Variants in CACNA1E observed in about 807,000 individuals in gnomAD.
The protein encoded by CACNA1E is voltage-dependent R-type calcium channel subunit alpha-1E.
A neutral mutation model predicts 259.2 loss-of-function variants in CACNA1E; 40 were observed. The observed-to-expected ratio is 0.15, with a 90% confidence interval of 0.12 to 0.20. CACNA1E has a LOEUF of 0.20. Among genes scored for constraint, CACNA1E ranks in the 10% least tolerant of loss-of-function variants. The pLI, the probability that CACNA1E is intolerant of heterozygous loss-of-function variation, is 1.00. For missense variants in CACNA1E, 1,874 were observed against 3,040.1 expected, an observed-to-expected ratio of 0.62 and a Z score of 9.02; for synonymous variants, 1,104 against 1,138.5, an observed-to-expected ratio of 0.97 and a Z score of 0.61.
At chr1:181,429,473 G>A (rs80129781) in intron 2 of CACNA1E, among the ~76,000 whole-genome samples, 2,613 of 152,280 alleles carry the variant, frequency 0.017, 80 homozygotes, top group African/African-American at 0.06. Context: ...GCATCTATGC[G>A]TAGCTCTGCT....
chr1:181,728,776 C>T (rs1655166480), intron 18 of CACNA1E, among the ~76,000 whole-genome samples: 1 of 151,240 alleles, frequency 6.6e-6, no homozygotes, highest in Non-Finnish European at 1.5e-5. Context: ...GTGTGCCCTG[C>T]TCAGCTATGT....
intron 1 of CACNA1E, among the ~76,000 whole-genome samples, chr1:181,486,163 C>G (rs1294725077): frequency 6.6e-6 from 1 of 152,308 alleles, no homozygotes; most frequent in East Asian, 1.9e-4. Context: ...TGTCTTTGGC[C>G]AAAAATGGAC....
intron 3 of CACNA1E, among the ~76,000 whole-genome samples, chr1:181,552,246 C>T (rs929372013): frequency 1.2e-4 from 19 of 152,180 alleles, no homozygotes; most frequent in African/African-American, 3.6e-4. Context: ...TTGGCTGATA[C>T]AAAGGCTGTG....
In CACNA1E at chr1:181,483,850, G is replaced by A; in HGVS notation, c.106G>A (p.Ala36Thr). The A allele has an allele frequency of 6.2e-7, 1 of 1,613,746 alleles. No individual in the cohort carries two copies. Reference protein sequence around the residue: ...QGTPVPASGQAAAYKQTKAQR... With the variant: ...QGTPVPASGQTAAYKQTKAQR... ...AACCCCCGTGCCGGCCTCGGGGCAGGCGGCCGCCTACAAGCAGACGAAAGC... is the reference window on the plus strand; with the variant it reads ...AACCCCCGTGCCGGCCTCGGGGCAGACGGCCGCCTACAAGCAGACGAAAGC... The change falls in exon 1 of 48, where the codon GCG becomes ACG. Residue 36 changes from alanine (A) to threonine (T), a missense_variant. Physicochemically the swap from Ala to Thr is moderately conservative, Grantham distance 58 (BLOSUM62 0). Around this residue, in one of 14 missense-constraint regions of CACNA1E, gnomAD observed 110 missense variants for 122.8 expected, o/e 0.90. Transcript: ENST00000367573.
intron 7 of CACNA1E, among the ~76,000 whole-genome samples, chr1:181,675,361 G>A (rs148436169): frequency 1.4e-3 from 219 of 152,290 alleles, no homozygotes; most frequent in African/African-American, 5.0e-3. Context: ...GTAATTTCAC[G>A]TACCCAGTAG....
rs80263493 is a variant in CACNA1E at position 181,743,093 on chromosome 1, C to T, written c.3719+3840C>T. On this transcript the variant is annotated intron_variant, in intron 25 of 47. Coordinates refer to ENST00000367573, the MANE Select transcript of CACNA1E (RefSeq NM_001205293.3). ...CTCAGGTCTCCTTCCTTAAGCCCACCGTCCCTGCAGGGAGGTGGGCAGAGT... is the reference window on the plus strand; with the variant it reads ...CTCAGGTCTCCTTCCTTAAGCCCACTGTCCCTGCAGGGAGGTGGGCAGAGT... Among the ~76,000 whole-genome samples the T allele has an allele frequency of 1.3e-3, 197 of 152,302 alleles. 1 individual carries two copies. Among genetic ancestry groups the T allele is most frequent in the African/African-American group, 4.2e-3 (174 of 41,544 alleles).
chr1:181,475,749 G>C (rs1474606545), intron 2 of CACNA1E, among the ~76,000 whole-genome samples: 1 of 152,136 alleles, frequency 6.6e-6, no homozygotes, highest in African/African-American at 2.4e-5. Flanking sequence ...TTTTGGGAGG[G>C]GGAGCTTGCT....
At chr1:181,781,329 A>T in intron 38 of CACNA1E, 98 bp from the exon 39 acceptor site, 1 of 688,676 alleles carries the variant, frequency 1.5e-6, no homozygotes, top group East Asian at 2.7e-5. Context: ...CTCCTCTCCT[A>T]TCTGTCTGCA....
At chr1:181,557,242 T>A (rs1010780898) in intron 3 of CACNA1E, among the ~76,000 whole-genome samples, 1 of 152,184 alleles carries the variant, frequency 6.6e-6, no homozygotes, top group Non-Finnish European at 1.5e-5. Flanking sequence ...ACGATGAGAT[T>A]GCTTGGAAGG....
At chr1:181,751,111 A>G (rs1657558573) in intron 26 of CACNA1E, among the ~76,000 whole-genome samples, 1 of 152,206 alleles carries the variant, frequency 6.6e-6, no homozygotes, top group South Asian at 2.1e-4. Context: ...GTCAACATGA[A>G]GAAAGAGACA....
intron 1 of CACNA1E, among the ~76,000 whole-genome samples, chr1:181,392,613 C>T (rs1571750439): frequency 6.6e-6 from 1 of 152,226 alleles, no homozygotes; most frequent in East Asian, 1.9e-4. Flanking sequence ...TGTATTCAGT[C>T]CTAAAGATCA....
At chr1:181,716,801 A>T (rs1653938513) in intron 10 of CACNA1E, among the ~76,000 whole-genome samples, 2 of 152,240 alleles carry the variant, frequency 1.3e-5, no homozygotes, top group Non-Finnish European at 2.9e-5. Context: ...AGGAAAGGGC[A>T]GAAAGAAGCC....
At chr1:181,752,369 T>C (rs2102665843) in intron 27 of CACNA1E, 130 bp downstream of exon 27, 1 of 684,218 alleles carries the variant, frequency 1.5e-6, no homozygotes, top group East Asian at 2.7e-5. Flanking sequence ...CGAAGTTCTT[T>C]TCATCTGCCT....
intron 3 of CACNA1E, among the ~76,000 whole-genome samples, chr1:181,569,265 T>A (rs1397680649): frequency 6.6e-6 from 1 of 152,162 alleles, no homozygotes; most frequent in Non-Finnish European, 1.5e-5. Flanking sequence ...AGTATCTCGA[T>A]TGTAGAGTAA....
In CACNA1E at chr1:181,796,707, G is replaced by A. The variant is rs758936777; in HGVS notation, c.6248G>A (p.Arg2083Gln). Residue 2083 changes from arginine to glutamine, a missense_variant, in exon 47 of 48, where the codon CGG becomes CAG. Arg to Gln is a conservative substitution (Grantham distance 43). Around this residue, in one of 14 missense-constraint regions of CACNA1E, gnomAD observed 542 missense variants for 587.2 expected, o/e 0.92. Transcript: ENST00000367573. ...SDTHRSGGRE[R>Q]GRSKERKHLL... is the part of the protein sequence containing the mutation. ...ACTCACCGCTCAGGGGGCAGGGAGC[G>A]GGGACGATCAAAAGAGCGAAAGCAT... 6 of 1,611,092 alleles carry A rather than the reference G, an allele frequency of 3.7e-6. No individual in the cohort carries two copies. The highest frequency in any genetic ancestry group is 2.2e-5 in the East Asian group (1 of 44,776).
intron 2 of CACNA1E, among the ~76,000 whole-genome samples, chr1:181,438,760 G>A (rs1392585869): frequency 6.6e-6 from 1 of 152,180 alleles, no homozygotes; most frequent in Non-Finnish European, 1.5e-5. Flanking sequence ...CGCTTATTTT[G>A]GAAGAATCTA....
Position 181,731,277 on chromosome 1 carries a change from C to T in CACNA1E, c.2297+46C>T, listed in dbSNP as rs779288203. ...GTGTTTGTGAGTGGTTACGTGTGGG[C>T]GTGGGACAATGTGTCATTGTCCTTG... On this transcript the variant is annotated intron_variant, in intron 19 of 47. Coordinates refer to ENST00000367573, the MANE Select transcript of CACNA1E (RefSeq NM_001205293.3). 5.4e-6 allele frequency: 8 copies of T among 1,479,698 alleles called. No homozygotes were observed. The East Asian group carries it at 6.8e-5, about 13-fold the overall frequency. The allele number at this position is 1,479,698 out of a possible 1,614,324, so 91.7% of individuals were successfully genotyped here. A position where few individuals can be genotyped will look rare whatever the true frequency, so the allele number is the denominator to read the frequency against.
intron 1 of CACNA1E, among the ~76,000 whole-genome samples, chr1:181,503,241 G>A (rs1311123148): frequency 1.3e-5 from 2 of 152,228 alleles, no homozygotes; most frequent in African/African-American, 4.8e-5. Flanking sequence ...CGGCTCAGAC[G>A]AGGGTCATAT....
At chr1:181,528,153 G>A (rs1221766620) in intron 3 of CACNA1E, among the ~76,000 whole-genome samples, 1 of 150,240 alleles carries the variant, frequency 6.7e-6, no homozygotes, top group Non-Finnish European at 1.5e-5. Flanking sequence ...GGGGTGGGGG[G>A]GGCAGTAATT....
Sources: gnomAD v4.1 joint callset for allele counts (sites outside exome capture counted in the v4.1 genomes callset) on GRCh38, gnomAD v4.1.1 for gene constraint, gnomAD v4.1.1 regional missense constraint, MANE v1.5 for transcripts, NCBI Gene and HGNC (gene_info 2026-07-23, HGNC 2026-07-21) for gene names.